Variants in THOC2 observed in about 807,000 individuals in gnomAD.
THOC2 encodes THO complex subunit 2.
Under a neutral mutation model 128.4 loss-of-function variants are expected in THOC2, and 10 were observed. The ratio of observed to expected loss-of-function variants is 0.08; its 90% CI spans 0.05 to 0.13. The LOEUF is 0.13. THOC2 is among the 10% of genes least tolerant of loss of function. The probability of loss-of-function intolerance (pLI) is 1.00; values close to 1 mark genes in which losing one functional copy is unlikely to be tolerated. For synonymous variants in THOC2, 393 were observed against 396.9 expected, an observed-to-expected ratio of 0.99 and a Z score of 0.12; for missense variants, 535 against 1,155.7, an observed-to-expected ratio of 0.46 and a Z score of 7.79.
chrX:123,683,416 A>G (rs1289113107), intron 8 of THOC2, among the ~76,000 whole-genome samples: 3 of 111,070 alleles, frequency 2.7e-5, no homozygotes, highest in African/African-American at 9.8e-5. Context: ...TAGGCCAGGG[A>G]CCAATACACA....
intron 36 of THOC2, 96 bp downstream of exon 36, chrX:123,613,303 G>C: frequency 1.1e-6 from 1 of 875,713 alleles, no homozygotes. Flanking sequence ...ATGAACAAAA[G>C]ACTATAGGAC....
Position 123,626,032 on chromosome X carries a change from C to A in THOC2, c.2937G>T (p.Gln979His). 3 of 1,200,189 alleles carry A rather than the reference C, an allele frequency of 2.5e-6. No homozygotes were observed. Among genetic ancestry groups the A allele is most frequent in the Non-Finnish European group, 3.4e-6 (3 of 887,693 alleles). ...AAATACATCGAGGAAATATACACAG[C>A]TGTAGAAATTTTGTGATGGTCTCAT... is the stretch of plus-strand genomic sequence containing the variant. ...TKNETITKFLQLCIFPRCIFS... is the reference protein window; with the variant it reads ...TKNETITKFLHLCIFPRCIFS... The change falls in exon 25 of 39, where the codon CAG becomes CAT. Residue 979 changes from glutamine to histidine, a missense_variant. Gln to His is a conservative substitution (Grantham distance 24). Around this residue, in one of 9 missense-constraint regions of THOC2, gnomAD observed 90 missense variants for 298.6 expected, o/e 0.30. Coordinates refer to ENST00000245838, the MANE Select transcript of THOC2 (RefSeq NM_001081550.2).
At chrX:123,726,301 G>C (rs1238506780) in intron 1 of THOC2, among the ~76,000 whole-genome samples, 1 of 109,435 alleles carries the variant, frequency 9.1e-6, no homozygotes, top group East Asian at 2.8e-4. Context: ...TTTGTACTCG[G>C]GCTACTAAAA....
intron 13 of THOC2, 29 bp downstream of exon 13, chrX:123,645,305 C>T (rs755836435): frequency 9.4e-7 from 1 of 1,067,289 alleles, no homozygotes; most frequent in South Asian, 2.1e-5. Flanking sequence ...AAACATTAGA[C>T]ACATTATTGG....
intron 7 of THOC2, among the ~76,000 whole-genome samples, chrX:123,687,440 T>G (rs753403474): frequency 8.9e-6 from 1 of 111,910 alleles, no homozygotes; most frequent in African/African-American, 3.2e-5. Flanking sequence ...AGTCCCTAAA[T>G]GCAAGCTAAC....
chrX:123,683,404 A>T (rs2049870538), intron 8 of THOC2, among the ~76,000 whole-genome samples: 1 of 111,167 alleles, frequency 9.0e-6, no homozygotes, highest in Non-Finnish European at 1.9e-5. Context: ...GTATGGGGGA[A>T]TTAGGCCAGG....
intron 12 of THOC2, among the ~76,000 whole-genome samples, chrX:123,650,257 T>C (rs1454410008): frequency 8.9e-6 from 1 of 111,877 alleles, no homozygotes; most frequent in Non-Finnish European, 1.9e-5. Context: ...AAGCAAATGC[T>C]GAGAGATTAT....
chrX:123,607,132 G>A (rs1471729397), intron 38 of THOC2, among the ~76,000 whole-genome samples: 3 of 111,270 alleles, frequency 2.7e-5, no homozygotes, highest in African/African-American at 9.8e-5. Context: ...CTAAATCAAG[G>A]AGAGGCAAGA....
At chrX:123,715,813 GA>G (rs2051390094) in intron 1 of THOC2, among the ~76,000 whole-genome samples, 1 of 103,328 alleles carries the variant, frequency 9.7e-6, no homozygotes, top group Non-Finnish European at 2.0e-5. Context: ...AAATGAAAAT[GA>G]AAAAAATCAA....
intron 12 of THOC2, among the ~76,000 whole-genome samples, chrX:123,652,620 C>G (rs2048406389): frequency 8.9e-6 from 1 of 111,788 alleles, no homozygotes; most frequent in Admixed American, 9.5e-5. Flanking sequence ...AAATCACAAG[C>G]ATTCCTATAC....
At chrX:123,638,884 T>A in intron 17 of THOC2, 50 bp downstream of exon 17, 1 of 738,823 alleles carries the variant, frequency 1.4e-6, no homozygotes, top group Non-Finnish European at 2.0e-6. Context: ...ACGTTTACCA[T>A]ATGATCTATT....
chrX:123,632,081 T>C (rs1017264581), intron 21 of THOC2, among the ~76,000 whole-genome samples: 1 of 111,402 alleles, frequency 9.0e-6, no homozygotes, highest in African/African-American at 3.3e-5. Flanking sequence ...TGTCAAGCTG[T>C]TGTTCATCAC....
intron 1 of THOC2, among the ~76,000 whole-genome samples, chrX:123,728,567 AGACTC>A (rs984931660): frequency 9.0e-6 from 1 of 111,498 alleles, no homozygotes; most frequent in African/African-American, 3.3e-5. Context: ...CGAGGAAAAA[AGACTC>A]AACCACCAAG....
intron 9 of THOC2, among the ~76,000 whole-genome samples, chrX:123,669,235 T>G (rs906638265): frequency 1.8e-5 from 2 of 110,384 alleles, no homozygotes; most frequent in African/African-American, 6.6e-5. Context: ...AGACTTTTTC[T>G]CATTCTGTAT....
chrX:123,662,132 C>T (rs147610723), intron 12 of THOC2, among the ~76,000 whole-genome samples: 2,557 of 112,087 alleles, frequency 0.023, 70 homozygotes, highest in African/African-American at 0.075. Context: ...ATATAATCAC[C>T]AAACACTGAA....
rs370674691 is a variant in THOC2 at position 123,623,293 on chromosome X, G to A, written c.3504-10C>T. 79 of 1,164,261 alleles carry A rather than the reference G, an allele frequency of 6.8e-5. No individual in the cohort carries two copies. Among genetic ancestry groups the A allele is most frequent in the Non-Finnish European group, 8.8e-5 (77 of 873,509 alleles). ...CAACTGCCCAGAGTAGCTGAAAGTC[G>A]CACAAAGTGTTTAAATATACAAACA... On this transcript the variant is annotated splice_polypyrimidine_tract_variant and intron_variant, in intron 28 of 38. Transcript: ENST00000245838.
At position 123,647,256 on chromosome X, in the gene THOC2, T is replaced by G. The variant is rs2048163796; in HGVS notation, c.1387-1881A>C. Reference sequence around the variant, plus strand: ...GTACAAAATTAAATCAAGAAGTACATGCAAATAAAAGCAATTTTCTTTTGT... The same window carrying G: ...GTACAAAATTAAATCAAGAAGTACAGGCAAATAAAAGCAATTTTCTTTTGT... On this transcript the variant is annotated intron_variant, in intron 12 of 38. Coordinates refer to ENST00000245838, the MANE Select transcript of THOC2 (RefSeq NM_001081550.2). Among the ~76,000 whole-genome samples the G allele has an allele frequency of 2.7e-5, 3 of 112,237 alleles. No individual in the cohort carries two copies. The Admixed American group carries it at 2.8e-4, about 11-fold the overall frequency.
At chrX:123,622,267 G>A (rs966507602) in intron 30 of THOC2, among the ~76,000 whole-genome samples, 1 of 110,152 alleles carries the variant, frequency 9.1e-6, no homozygotes, top group Non-Finnish European at 1.9e-5. Context: ...CGGGAGTGGT[G>A]GCACACGCTT....
At chrX:123,730,458 G>A (rs773943238) in intron 1 of THOC2, among the ~76,000 whole-genome samples, 327 of 111,278 alleles carry the variant, frequency 2.9e-3, no homozygotes, top group Non-Finnish European at 4.8e-3. Flanking sequence ...GATTACAGGC[G>A]TGAGCCACCA....
Sources: gnomAD v4.1 joint callset for allele counts (sites outside exome capture counted in the v4.1 genomes callset) on GRCh38, gnomAD v4.1.1 for gene constraint, gnomAD v4.1.1 regional missense constraint, MANE v1.5 for transcripts, NCBI Gene and HGNC (gene_info 2026-07-23, HGNC 2026-07-21) for gene names.